The following CACNA1C variants were observed in gnomAD, a reference collection of about 807,000 sequenced individuals.
CACNA1C encodes the protein voltage-dependent L-type calcium channel subunit alpha-1C.
In CACNA1C, 30 loss-of-function variants were observed where a neutral mutation model predicts 229.0. The ratio of observed to expected loss-of-function variants is 0.13; its 90% confidence interval spans 0.10 to 0.18. CACNA1C has a LOEUF of 0.18. Among genes scored for constraint, CACNA1C ranks in the 10% least tolerant of loss-of-function variants. The pLI is 1.00. For synonymous variants in CACNA1C, 1,114 were observed against 1,132.5 expected, an observed-to-expected ratio of 0.98 and a Z score of 0.33; for missense variants, 1,658 against 2,845.0, an observed-to-expected ratio of 0.58 and a Z score of 9.49.
chr12:2,425,335 G>A (rs1314771046), intron 3 of CACNA1C, among the ~76,000 whole-genome samples: 1 of 152,194 alleles, frequency 6.6e-6, no homozygotes, highest in Non-Finnish European at 1.5e-5. Context: ...TACACACAAA[G>A]GAAGTAGATT....
intron 1 of CACNA1C, among the ~76,000 whole-genome samples, chr12:2,056,747 A>G (rs1664593929): frequency 2.0e-5 from 3 of 152,206 alleles, no homozygotes; most frequent in African/African-American, 7.2e-5. Flanking sequence ...ACTGGAGGAA[A>G]GGGGCTATTG....
Position 2,479,983 on chromosome 12 carries a change from C to G in CACNA1C, c.758-6121C>G, listed in dbSNP as rs1349841352. Among the ~76,000 whole-genome samples the G allele has an allele frequency of 1.3e-5, 2 of 152,188 alleles. No individual in the cohort carries two copies. The highest frequency in any genetic ancestry group is 6.5e-5 in the Admixed American group (1 of 15,278). On this transcript the variant is annotated intron_variant, in intron 5 of 46. Transcript: ENST00000399655. The surrounding 1 kb of genome is among the most constrained non-coding windows in gnomAD (Gnocchi z 4.3). ...GACCCCTGGCCTAATGCTGTCCTTC[C>G]CCTGCCCCTCTGTGGCACCAGATGG...
At chr12:2,314,807 G>T (rs1043199572) in intron 3 of CACNA1C, among the ~76,000 whole-genome samples, 2 of 152,064 alleles carry the variant, frequency 1.3e-5, no homozygotes, top group African/African-American at 4.8e-5. Context: ...GAGAACATAT[G>T]CATGTACTTT....
intron 3 of CACNA1C, among the ~76,000 whole-genome samples, chr12:2,422,156 A>G (rs2098985894): frequency 6.6e-6 from 1 of 152,220 alleles, no homozygotes; most frequent in Non-Finnish European, 1.5e-5. Flanking sequence ...TTCTTCCTCC[A>G]TGAGATGCCT....
chr12:2,219,603 G>A (rs1307068425), intron 3 of CACNA1C, among the ~76,000 whole-genome samples: 1 of 152,188 alleles, frequency 6.6e-6, no homozygotes, highest in East Asian at 1.9e-4. Flanking sequence ...AGCTTTTCCT[G>A]TTAGACCCTC....
intron 1 of CACNA1C, chr12:2,020,086 A>C (rs1042752796): frequency 6.6e-6 from 1 of 152,176 alleles, no homozygotes; most frequent in African/African-American, 2.4e-5. Flanking sequence ...TGCACACATA[A>C]GTGCACACAC....
chr12:2,248,611 G>T (rs2074302336), intron 3 of CACNA1C, among the ~76,000 whole-genome samples: 1 of 152,230 alleles, frequency 6.6e-6, no homozygotes, highest in Non-Finnish European at 1.5e-5. Context: ...CTTCCTGGGG[G>T]TGATCATCCC....
chr12:2,398,977 A>G (rs61907806), intron 3 of CACNA1C, among the ~76,000 whole-genome samples: 14,503 of 152,238 alleles, frequency 0.095, 779 homozygotes, highest in Middle Eastern at 0.15. Context: ...CCCCAGGAAC[A>G]TGGGGCTTTG....
At chr12:2,033,795 G>A (rs1409410119) in intron 1 of CACNA1C, among the ~76,000 whole-genome samples, 2 of 152,212 alleles carry the variant, frequency 1.3e-5, no homozygotes, top group East Asian at 3.8e-4. Context: ...TGCCAATAAA[G>A]TTAAAGTAAA....
chr12:2,221,743 A>C (rs941091553), intron 3 of CACNA1C: 2 of 152,236 alleles, frequency 1.3e-5, no homozygotes, highest in Non-Finnish European at 2.9e-5. Context: ...AAGTGTGTTC[A>C]TTGTAGTCTT....
At chr12:2,364,012 C>T (rs118072869) in intron 3 of CACNA1C, among the ~76,000 whole-genome samples, 1 of 152,148 alleles carries the variant, frequency 6.6e-6, no homozygotes, top group African/African-American at 2.4e-5. Flanking sequence ...CTTTGAGTGC[C>T]AGTTTAGCAG....
rs569976498 is a variant in CACNA1C at position 2,303,921 on chromosome 12, G to T, written c.478-145055G>T. Among the ~76,000 whole-genome samples the T allele has an allele frequency of 7.9e-4, 121 of 152,346 alleles. 1 individual carries two copies. The highest frequency in any genetic ancestry group is 2.9e-3 in the African/African-American group (120 of 41,590). On this transcript the variant is annotated intron_variant, in intron 3 of 46. Transcript: ENST00000399655. ...GTAGAGACAGGTCTTGTTTGACTTT[G>T]CACCCCAGTTCGTATCTGCACATGG...
intron 5 of CACNA1C, among the ~76,000 whole-genome samples, chr12:2,466,900 C>G (rs750808495): frequency 1.2e-4 from 19 of 152,140 alleles, no homozygotes; most frequent in Non-Finnish European, 2.8e-4. Context: ...GTTCTCACCC[C>G]CTCTCATGTC....
At chr12:2,188,206 A>G (rs1460144041) in intron 3 of CACNA1C, among the ~76,000 whole-genome samples, 1 of 152,240 alleles carries the variant, frequency 6.6e-6, no homozygotes, top group Non-Finnish European at 1.5e-5. Flanking sequence ...CTTTCCGCAT[A>G]TCAAACATCT....
intron 3 of CACNA1C, among the ~76,000 whole-genome samples, chr12:2,136,107 G>A (rs1253662009): frequency 6.6e-6 from 1 of 151,404 alleles, no homozygotes; most frequent in Non-Finnish European, 1.5e-5. Flanking sequence ...GACTCGGAAA[G>A]GGAACTCCCT....
At chr12:2,076,082 G>A (rs149189978) in intron 1 of CACNA1C, among the ~76,000 whole-genome samples, 4 of 152,222 alleles carry the variant, frequency 2.6e-5, no homozygotes, top group Middle Eastern at 3.4e-3. Context: ...TTTCATTATC[G>A]GTTTGGAATT....
At chr12:2,590,681 A>C (rs1282185876) in intron 18 of CACNA1C, among the ~76,000 whole-genome samples, 3 of 152,186 alleles carry the variant, frequency 2.0e-5, no homozygotes, top group Non-Finnish European at 4.4e-5. Context: ...AGCTTCATAA[A>C]CGGGGGGGAG....
At chr12:2,474,575 C>T (rs1024252937) in intron 5 of CACNA1C, among the ~76,000 whole-genome samples, 8 of 151,698 alleles carry the variant, frequency 5.3e-5, no homozygotes, top group Admixed American at 5.3e-4. Flanking sequence ...GCCAACATGG[C>T]GAAACCCCGT....
Position 2,152,006 on chromosome 12 carries a change from C to A in CACNA1C, c.477+31576C>A, listed in dbSNP as rs1355093115. On this transcript the variant is annotated intron_variant, in intron 3 of 46. Coordinates refer to ENST00000399655, the MANE Select transcript of CACNA1C (RefSeq NM_000719.7). This position sits in a 1 kb window ranked among gnomAD's most constrained non-coding sequence, Gnocchi z 4.2. ...TCAGCCTATCTGGGCAGATTTTAAACCCTGGCGTTTTTAGTGCCTTGACTA... is the reference window on the plus strand; with the variant it reads ...TCAGCCTATCTGGGCAGATTTTAAAACCTGGCGTTTTTAGTGCCTTGACTA... Among the ~76,000 whole-genome samples the A allele has an allele frequency of 6.6e-6, 1 of 152,210 alleles. No individual in the cohort carries two copies. The highest frequency in any genetic ancestry group is 6.5e-5 in the Admixed American group (1 of 15,276).
Sources: allele counts gnomAD v4.1 joint callset (sites outside exome capture counted in the v4.1 genomes callset), GRCh38; gene constraint gnomAD v4.1.1; non-coding constraint Gnocchi (gnomAD v3.1); transcripts MANE v1.5; gene names NCBI Gene and HGNC (gene_info 2026-07-23, HGNC 2026-07-21).